The following KIRREL1 variants were observed in gnomAD, a reference collection of about 807,000 sequenced individuals.
KIRREL1 encodes kirre like nephrin family adhesion molecule 1, also known as kin of IRRE-like protein 1.
A neutral mutation model predicts 83.3 loss-of-function variants in KIRREL1; 25 were observed. The observed-to-expected ratio is 0.30, with a 90% CI of 0.22 to 0.42. The LOEUF (loss-of-function observed/expected upper bound fraction) is 0.42. Among genes scored for constraint, KIRREL1 ranks in the 10% least tolerant of loss-of-function variants. The pLI, the probability that KIRREL1 is intolerant of heterozygous loss-of-function variation, is 1.00. For missense variants in KIRREL1, 812 were observed against 1,032.3 expected, an observed-to-expected ratio of 0.79 and a Z score of 2.92; for synonymous variants, 388 against 410.4, an observed-to-expected ratio of 0.95 and a Z score of 0.66.
At chr1:158,060,579 T>C (rs1661189003) in intron 1 of KIRREL1, among the ~76,000 whole-genome samples, 1 of 152,278 alleles carries the variant, frequency 6.6e-6, no homozygotes, top group East Asian at 1.9e-4. Flanking sequence ...AACTCCCTTA[T>C]GAGAGGACTC....
At chr1:158,031,795 A>G (rs144279359) in intron 1 of KIRREL1, among the ~76,000 whole-genome samples, 1 of 152,184 alleles carries the variant, frequency 6.6e-6, no homozygotes, top group African/African-American at 2.4e-5. Flanking sequence ...CTAAAAATGG[A>G]CAGATGAAGC....
intron 1 of KIRREL1, among the ~76,000 whole-genome samples, chr1:158,052,517 C>T (rs1304708521): frequency 6.6e-6 from 1 of 151,982 alleles, no homozygotes; most frequent in Non-Finnish European, 1.5e-5. Context: ...CGGTGGCTCA[C>T]GCCTGTAATC....
At chr1:158,029,127 G>A (rs1372607639) in intron 1 of KIRREL1, among the ~76,000 whole-genome samples, 1 of 152,194 alleles carries the variant, frequency 6.6e-6, no homozygotes, top group Non-Finnish European at 1.5e-5. Context: ...CCTGTACAGG[G>A]CATGTACAGC....
intron 3 of KIRREL1, among the ~76,000 whole-genome samples, chr1:158,080,115 T>G (rs1204838397): frequency 6.6e-6 from 1 of 152,144 alleles, no homozygotes; most frequent in Non-Finnish European, 1.5e-5. Flanking sequence ...GTCAGCCCCA[T>G]GCTCAACCAA....
Position 158,084,544 on chromosome 1 carries a change from G to A in KIRREL1, c.475G>A (p.Asp159Asn). 6.4e-7 allele frequency: 1 copy of A among 1,551,784 alleles called. No individual in the cohort carries two copies. The change falls in exon 4 of 15, where the codon GAC (aspartate) becomes AAC (asparagine). Residue 159 changes from aspartate (D) to asparagine (N), a missense_variant. Transcript: ENST00000359209. ...TGCTGCCACCATCATCTGGTTCCGGGACGGGACGCAGCAGGAGGGCGCTGT... is the reference window on the plus strand; with the variant it reads ...TGCTGCCACCATCATCTGGTTCCGGAACGGGACGCAGCAGGAGGGCGCTGT... Reference protein sequence around the residue: ...KPAATIIWFRDGTQQEGAVAS... With the variant: ...KPAATIIWFRNGTQQEGAVAS...
intron 5 of KIRREL1, 61 bp downstream of exon 5, chr1:158,086,807 A>G: frequency 1.4e-6 from 2 of 1,451,650 alleles, no homozygotes; most frequent in Non-Finnish European, 1.9e-6. Context: ...GTGTTTGAGA[A>G]GCACACTCTT....
In KIRREL1 at chr1:158,094,844, AC is replaced by A; in HGVS notation, c.2003del (p.Pro668LeufsTer170). 1 of 1,613,020 alleles carries A rather than the reference AC, an allele frequency of 6.2e-7. No individual in the cohort carries two copies. The highest frequency in any genetic ancestry group is 8.5e-7 in the Non-Finnish European group (1 of 1,179,750). ...CCTCTGACTATGGCCCTGAGCCCAC[AC>A]CCCCTGGCCCTGCTGCCCCAGCTGG... ...PASDYGPEPTPPGPAAPAGTD... is the reference protein window; with the variant it reads ...PASDYGPEPTXPGPAAPAGTD... On this transcript the variant is annotated frameshift_variant, in exon 15 of 15. Coordinates refer to ENST00000359209, the MANE Select transcript of KIRREL1 (RefSeq NM_018240.7). LOFTEE classifies it high-confidence loss of function. The surrounding 1 kb of genome is among the most constrained non-coding windows in gnomAD (Gnocchi z 4.6).
In KIRREL1 at chr1:158,017,287, TC is replaced by T; in HGVS notation, c.52+23560del. On this transcript the variant is annotated intron_variant, in intron 1 of 14. Coordinates refer to ENST00000359209, the MANE Select transcript of KIRREL1 (RefSeq NM_018240.7). ...TTCTCTGTCATTCCCTCAAGGTCTT[TC>T]TAGCCCTTCTTAGTTTTCTCTCCTA... Among the ~76,000 whole-genome samples the T allele has an allele frequency of 1.3e-5, 2 of 152,328 alleles. 1 individual carries two copies. The highest frequency in any genetic ancestry group is 4.1e-4 in the South Asian group (2 of 4,830).
At chr1:158,017,817 C>T (rs932868179) in intron 1 of KIRREL1, among the ~76,000 whole-genome samples, 1 of 151,074 alleles carries the variant, frequency 6.6e-6, no homozygotes, top group Non-Finnish European at 1.5e-5. Context: ...AGGCAGCCCT[C>T]CCTCTCAATC....
At position 158,084,621 on chromosome 1, in the gene KIRREL1, C is replaced by G. The variant is rs765944415; in HGVS notation, c.510+42C>G. On this transcript the variant is annotated intron_variant, in intron 4 of 14. Coordinates refer to ENST00000359209, the MANE Select transcript of KIRREL1 (RefSeq NM_018240.7). ...TCCCCCAGCTCCTCCTGGGCCTAGC[C>G]CAGCTCACCTCTCCTTTCCCACAGG... 5.2e-6 allele frequency: 8 copies of G among 1,541,830 alleles called. No individual in the cohort carries two copies. The East Asian group carries it at 7.4e-5, about 14-fold the overall frequency.
intron 1 of KIRREL1, among the ~76,000 whole-genome samples, chr1:158,000,463 G>C (rs1334085688): frequency 6.6e-6 from 1 of 152,186 alleles, no homozygotes; most frequent in Non-Finnish European, 1.5e-5. Flanking sequence ...GAAGCTTGGG[G>C]TTCCTCATTC....
At chr1:158,015,461 G>T (rs1161158989) in intron 1 of KIRREL1, among the ~76,000 whole-genome samples, 2 of 152,190 alleles carry the variant, frequency 1.3e-5, no homozygotes, top group Non-Finnish European at 2.9e-5. Flanking sequence ...GCCCCTTAAA[G>T]AATTGCTTTT....
intron 1 of KIRREL1, among the ~76,000 whole-genome samples, chr1:158,058,361 G>A (rs376227142): frequency 6.6e-6 from 1 of 152,152 alleles, no homozygotes; most frequent in Non-Finnish European, 1.5e-5. Context: ...CATAGCTGAC[G>A]AGTTATTAAA....
At chr1:158,068,973 C>G (rs1027244549) in intron 1 of KIRREL1, among the ~76,000 whole-genome samples, 1 of 152,150 alleles carries the variant, frequency 6.6e-6, no homozygotes, top group Non-Finnish European at 1.5e-5. Context: ...GGGGACTGCT[C>G]TGGCCCAGGG....
intron 1 of KIRREL1, among the ~76,000 whole-genome samples, chr1:158,031,959 C>T (rs1660337956): frequency 6.6e-6 from 1 of 152,044 alleles, no homozygotes; most frequent in African/African-American, 2.4e-5. Context: ...GGTGCATACC[C>T]TTGGCCCCAG....
In KIRREL1 at chr1:157,999,887, C is replaced by T. The variant is rs137915352; in HGVS notation, c.52+6159C>T. Among the ~76,000 whole-genome samples the T allele has an allele frequency of 6.1e-4, 93 of 152,260 alleles. 2 individuals carry two copies. In the Middle Eastern group the frequency reaches 0.01, roughly 17 times the overall value. On this transcript the variant is annotated intron_variant, in intron 1 of 14. Transcript: ENST00000359209. ...GAAATCCGTTCACTTTTGTGAAGGG[C>T]AATTTTGTATTTTACATGCATTAGT...
At position 158,078,000 on chromosome 1, in the gene KIRREL1, G is replaced by A. The variant is rs778604884; in HGVS notation, c.212G>A (p.Arg71Gln). 6.2e-7 allele frequency: 1 copy of A among 1,614,002 alleles called. No homozygotes were observed. Among genetic ancestry groups the A allele is most frequent in the Non-Finnish European group, 8.5e-7 (1 of 1,179,902 alleles). Residue 71 changes from arginine to glutamine, a missense_variant, in exon 3 of 15, where the codon CGG becomes CAG. Physicochemically the swap from Arg to Gln is conservative, Grantham distance 43. Transcript: ENST00000359209. ...GMGQGLKAWP[R>Q]YRVVGSADAG... ...CTTTCTGTTTCTGCAGCCTGGCCAC[G>A]GTACCGGGTTGTGGGCTCCGCAGAC...
At chr1:158,058,755 G>T (rs971498003) in intron 1 of KIRREL1, among the ~76,000 whole-genome samples, 5 of 152,128 alleles carry the variant, frequency 3.3e-5, no homozygotes. Context: ...GACGACATCT[G>T]GGACCCGATG....
At chr1:158,076,931 T>C (rs1570983266) in intron 2 of KIRREL1, among the ~76,000 whole-genome samples, 1 of 152,228 alleles carries the variant, frequency 6.6e-6, no homozygotes, top group Non-Finnish European at 1.5e-5. Context: ...GTTCTAGTCC[T>C]GCCTCCGCCA....
Sources: gnomAD v4.1 joint callset for allele counts (sites outside exome capture counted in the v4.1 genomes callset) on GRCh38, gnomAD v4.1.1 for gene constraint, Gnocchi (gnomAD v3.1) non-coding constraint, MANE v1.5 for transcripts, NCBI Gene and HGNC (gene_info 2026-07-23, HGNC 2026-07-21) for gene names.